Variants in MEIOSIN observed in about 807,000 individuals in gnomAD.
MEIOSIN encodes the protein meiosis initiator, also known as meiosis initiator protein.
Under a neutral mutation model 23.4 loss-of-function variants are expected in MEIOSIN, and 18 were observed. The observed-to-expected ratio is 0.77, with a 90% CI of 0.53 to 1.14. The LOEUF is 1.14. MEIOSIN is among the 50% of genes most tolerant of loss of function. The pLI is 0.00. For synonymous variants in MEIOSIN, 187 were observed against 100.6 expected, an observed-to-expected ratio of 1.86 and a Z score of -5.14; for missense variants, 428 against 242.9, an observed-to-expected ratio of 1.76 and a Z score of -5.07.
chr19:45,751,664 C>T (rs1490971452), intron 5 of MEIOSIN, among the ~76,000 whole-genome samples: 4 of 151,150 alleles, frequency 2.6e-5, no homozygotes, highest in Admixed American at 6.6e-5. Flanking sequence ...ACAGTAACAG[C>T]GACAGCACCC....
At position 45,764,127 on chromosome 19, in the gene MEIOSIN, C is replaced by A. The variant is rs1053470436; in HGVS notation, c.*9C>A. Reference sequence around the variant, plus strand: ...CCCCGCACCTCCAGTGAGAGGGCGGCCCCTCGCCTCGCTCCCCTCACCCCT... The same window carrying A: ...CCCCGCACCTCCAGTGAGAGGGCGGACCCTCGCCTCGCTCCCCTCACCCCT... On this transcript the variant is annotated 3_prime_UTR_variant, in exon 15 of 15. Transcript: ENST00000457052. 2 of 398,530 alleles carry A rather than the reference C, an allele frequency of 5.0e-6. No individual in the cohort carries two copies. The highest frequency in any genetic ancestry group is 4.1e-5 in the African/African-American group (2 of 48,652). The allele number at this position is 398,530 out of a possible 1,614,324, so 24.7% of individuals were successfully genotyped here. A position where few individuals can be genotyped will look rare whatever the true frequency, so the allele number is the denominator to read the frequency against.
chr19:45,741,053 A>G (rs1337137241), intron 3 of MEIOSIN, among the ~76,000 whole-genome samples: 1 of 151,960 alleles, frequency 6.6e-6, no homozygotes, highest in East Asian at 1.9e-4. Flanking sequence ...CCCTTCTTCC[A>G]TAGAAAAATA....
At chr19:45,747,611 C>T (rs1282189515) in intron 4 of MEIOSIN, among the ~76,000 whole-genome samples, 1 of 152,190 alleles carries the variant, frequency 6.6e-6, no homozygotes, top group Non-Finnish European at 1.5e-5. Flanking sequence ...ACTTACTGAG[C>T]GTTCCAGGTG....
At position 45,762,843 on chromosome 19, in the gene MEIOSIN, CTT is replaced by C. The variant is rs552827229; in HGVS notation, c.1680-493_1680-492del. Among the ~76,000 whole-genome samples the C allele has an allele frequency of 2.9e-3, 439 of 152,342 alleles. 4 individuals carry two copies. The highest frequency in any genetic ancestry group is 1.0e-2 in the African/African-American group (414 of 41,580). On this transcript the variant is annotated intron_variant, in intron 13 of 14. Coordinates refer to ENST00000457052, the MANE Select transcript of MEIOSIN (RefSeq NM_001310124.2). The stretch of plus-strand genomic sequence containing the variant: ...AGGGCTCACACAGGCTGTCTGGAAT[CTT>C]TGTCCTTTTCACCCAGTTCCTCTGT...
At chr19:45,762,507 A>G (rs1968967205) in intron 13 of MEIOSIN, among the ~76,000 whole-genome samples, 3 of 152,192 alleles carry the variant, frequency 2.0e-5, no homozygotes. Context: ...AGCTCACTGC[A>G]ATGTCTGCCT....
At chr19:45,745,827 C>T (rs912851843) in intron 4 of MEIOSIN, among the ~76,000 whole-genome samples, 11 of 152,280 alleles carry the variant, frequency 7.2e-5, no homozygotes, top group Admixed American at 1.3e-4. Context: ...CCGCCTTGGC[C>T]TCCGAAAGTG....
At chr19:45,748,638 A>G (rs1968637331) in intron 4 of MEIOSIN, among the ~76,000 whole-genome samples, 2 of 152,232 alleles carry the variant, frequency 1.3e-5, no homozygotes, top group South Asian at 2.1e-4. Context: ...GATGATGCCC[A>G]ATTGCTTTCT....
In MEIOSIN at chr19:45,763,451, G is replaced by T. The variant is rs574517236; in HGVS notation, c.1769+24G>T. On this transcript the variant is annotated intron_variant, in intron 14 of 14. Transcript: ENST00000457052. Reference sequence around the variant, plus strand: ...TGGTGAGAGGCTCCGGCCCCGAGGTGTGGGTGGGGGGTGGAAGAGCCTCCC... The same window carrying T: ...TGGTGAGAGGCTCCGGCCCCGAGGTTTGGGTGGGGGGTGGAAGAGCCTCCC... The T allele has an allele frequency of 9.0e-5, 36 of 398,658 alleles. No homozygotes were observed. The Admixed American group carries it at 1.4e-3, about 16-fold the overall frequency. The allele number at this position is 398,658 out of a possible 1,614,324, so 24.7% of individuals were successfully genotyped here.
chr19:45,764,339 T>A lies in MEIOSIN; in HGVS notation c.*221T>A. On this transcript the variant is annotated 3_prime_UTR_variant, in exon 15 of 15. Coordinates refer to ENST00000457052, the MANE Select transcript of MEIOSIN (RefSeq NM_001310124.2). ...AGCTGCCTTGATTCTCCCCCAGGCT[T>A]AGGAAGGAAACCCAAAATGAAATGC... is the stretch of plus-strand genomic sequence containing the variant. 1 of 391,578 alleles carries A rather than the reference T, an allele frequency of 2.6e-6. No individual in the cohort carries two copies. The highest frequency in any genetic ancestry group is 3.6e-5 in the East Asian group (1 of 27,642). 24.3% of individuals were successfully genotyped at this position (391,578 alleles called of 1,614,324 possible).
chr19:45,763,452 T>G (rs1468171723), intron 14 of MEIOSIN, 25 bp downstream of exon 14: 1 of 398,542 alleles, frequency 2.5e-6, no homozygotes, highest in African/African-American at 2.1e-5. Context: ...CCCCGAGGTG[T>G]GGGTGGGGGG....
chr19:45,737,388 G>A (rs1347988426), intron 2 of MEIOSIN, among the ~76,000 whole-genome samples: 1 of 149,908 alleles, frequency 6.7e-6, no homozygotes, highest in Non-Finnish European at 1.5e-5. Context: ...CCATGTTGCC[G>A]AGGCTGGTCT....
At chr19:45,754,178 T>C (rs1471318032) in intron 6 of MEIOSIN, among the ~76,000 whole-genome samples, 1 of 152,182 alleles carries the variant, frequency 6.6e-6, no homozygotes, top group Non-Finnish European at 1.5e-5. Flanking sequence ...GGTTTCGCCA[T>C]GTTGGCCAGG....
intron 10 of MEIOSIN, 86 bp downstream of exon 10, chr19:45,759,119 G>C: frequency 1.5e-6 from 1 of 684,660 alleles, no homozygotes; most frequent in Non-Finnish European, 2.7e-6. Flanking sequence ...TGGGTGCCCG[G>C]GGTGAATCCT....
rs1031280619 is a variant in MEIOSIN at position 45,740,533 on chromosome 19, G to A, written c.176+803G>A. Among the ~76,000 whole-genome samples, 4 of 152,178 alleles carry A rather than the reference G, an allele frequency of 2.6e-5. No individual in the cohort carries two copies. In the East Asian group the frequency reaches 7.7e-4, roughly 29 times the overall value. ...TGGGAGGCCAAGGCGGATAGATCACGAGGTCAGGAGATTGAGACCATCCTG... is the reference window on the plus strand; with the variant it reads ...TGGGAGGCCAAGGCGGATAGATCACAAGGTCAGGAGATTGAGACCATCCTG... On this transcript the variant is annotated intron_variant, in intron 3 of 14. Transcript: ENST00000457052.
At chr19:45,748,050 C>G (rs1968626761) in intron 4 of MEIOSIN, among the ~76,000 whole-genome samples, 1 of 151,320 alleles carries the variant, frequency 6.6e-6, no homozygotes, top group Non-Finnish European at 1.5e-5. Context: ...TACCACTGCA[C>G]TCCAGCCTGA....
Position 45,750,777 on chromosome 19 carries a change from G to T in MEIOSIN, c.409G>T (p.Gly137Ter). The change falls in exon 5 of 15, where the codon GGA (glycine) becomes TGA (stop). Residue 137 changes from glycine to a stop codon, truncating the protein, a stop_gained. Coordinates refer to ENST00000457052, the MANE Select transcript of MEIOSIN (RefSeq NM_001310124.2). LOFTEE classifies it high-confidence loss of function. ...ATGCCACATCACCACTGGGGAAGGT[G>T]GACTTGCGGGTAAGTAGTTCAGCCA... ...FKCHITTGEG[G>*]LAGLGQKPAW... 2 of 615,700 alleles carry T rather than the reference G, an allele frequency of 3.2e-6. No individual in the cohort carries two copies. The highest frequency in any genetic ancestry group is 5.7e-6 in the Non-Finnish European group (2 of 349,320). 38.1% of individuals were successfully genotyped at this position (615,700 alleles called of 1,614,324 possible).
chr19:45,739,796 C>T (rs1600375577), intron 3 of MEIOSIN, 66 bp downstream of exon 3: 2 of 700,498 alleles, frequency 2.9e-6, no homozygotes, highest in Non-Finnish European at 5.2e-6. Flanking sequence ...TTGTTCAACA[C>T]CTCTTACCCC....
chr19:45,750,830 A>T (rs1323438947), intron 5 of MEIOSIN, 44 bp downstream of exon 5: 2 of 554,508 alleles, frequency 3.6e-6, no homozygotes, highest in Non-Finnish European at 6.4e-6. Context: ...TGATGTTCCA[A>T]GTGTTGTTCC....
rs1364009558 is a variant in MEIOSIN, at chr19:45,764,133, G to A, written c.*15G>A. On this transcript the variant is annotated 3_prime_UTR_variant, in exon 15 of 15. Coordinates refer to ENST00000457052, the MANE Select transcript of MEIOSIN (RefSeq NM_001310124.2). ...ACCTCCAGTGAGAGGGCGGCCCCTC[G>A]CCTCGCTCCCCTCACCCCTCATGGC... 2.0e-5 allele frequency: 8 copies of A among 398,478 alleles called. No individual in the cohort carries two copies. The highest frequency in any genetic ancestry group is 4.4e-5 in the Admixed American group (1 of 22,710). 24.7% of individuals were successfully genotyped at this position (398,478 alleles called of 1,614,324 possible).
Sources: allele counts gnomAD v4.1 joint callset (sites outside exome capture counted in the v4.1 genomes callset), GRCh38; gene constraint gnomAD v4.1.1; transcripts MANE v1.5; gene names NCBI Gene and HGNC (gene_info 2026-07-23, HGNC 2026-07-21).